Variants in SRFBP1 observed in about 807,000 individuals in gnomAD.
SRFBP1 encodes serum response factor-binding protein 1.
Under a neutral mutation model 45.5 loss-of-function variants are expected in SRFBP1, and 47 were observed. That is an observed-to-expected ratio of 1.03 (90% CI 0.82 to 1.32). The LOEUF (loss-of-function observed/expected upper bound fraction) is 1.32. Ranked by LOEUF, SRFBP1 falls within the 40% of genes most tolerant of loss-of-function variation. SRFBP1 has a pLI of 0.00. For synonymous variants in SRFBP1, 203 were observed against 166.3 expected (o/e 1.22, Z -1.70); for missense variants, 621 against 484.6 (o/e 1.28, Z -2.64).
intron 7 of SRFBP1, among the ~76,000 whole-genome samples, chr5:122,022,648 T>A (rs2112711095): frequency 6.6e-6 from 1 of 152,322 alleles, no homozygotes; most frequent in African/African-American, 2.4e-5. Flanking sequence ...CTATTTAACT[T>A]ATCTCAAATT....
chr5:121,988,560 G>T (rs944427798), intron 3 of SRFBP1, among the ~76,000 whole-genome samples: 1 of 152,226 alleles, frequency 6.6e-6, no homozygotes, highest in Non-Finnish European at 1.5e-5. Flanking sequence ...TCAAAGTGTT[G>T]TCAACCAGGA....
intron 2 of SRFBP1, among the ~76,000 whole-genome samples, chr5:122,037,197 C>T (rs1420856170): frequency 6.6e-6 from 1 of 152,190 alleles, no homozygotes; most frequent in African/African-American, 2.4e-5. Flanking sequence ...TGTGCCCAGC[C>T]TCCTGTGAGT....
At chr5:122,061,457 CAA>C (rs1754168033) in intron 2 of SRFBP1, among the ~76,000 whole-genome samples, 1 of 150,474 alleles carries the variant, frequency 6.6e-6, no homozygotes, top group South Asian at 2.2e-4. Context: ...AAGAAACAAA[CAA>C]ATTATTTGTA....
At chr5:122,033,955 C>T (rs990339406) in intron 2 of SRFBP1, among the ~76,000 whole-genome samples, 6 of 150,968 alleles carry the variant, frequency 4.0e-5, no homozygotes, top group Admixed American at 6.6e-5. Context: ...TCCTGGGTAG[C>T]TGGGATTACA....
intron 3 of SRFBP1, among the ~76,000 whole-genome samples, chr5:121,981,700 G>A (rs1752410244): frequency 6.6e-6 from 1 of 151,256 alleles, no homozygotes; most frequent in African/African-American, 2.4e-5. Flanking sequence ...TAATTCTTAT[G>A]TTACTTGCTC....
intron 2 of SRFBP1, among the ~76,000 whole-genome samples, chr5:122,048,818 C>G (rs939042093): frequency 4.6e-5 from 7 of 152,118 alleles, no homozygotes; most frequent in African/African-American, 1.2e-4. Flanking sequence ...TCTAGATTTT[C>G]TAGTTTATTT....
intron 3 of SRFBP1, among the ~76,000 whole-genome samples, chr5:121,980,614 ATGT>A (rs1233545315): frequency 6.6e-6 from 1 of 152,110 alleles, no homozygotes; most frequent in Non-Finnish European, 1.5e-5. Flanking sequence ...GAGAAGAAAA[ATGT>A]TGTTTCCTTT....
chr5:121,994,139 T>C lies in SRFBP1; in HGVS notation c.199-460T>C, dbSNP rs535313653. The stretch of plus-strand genomic sequence containing the variant: ...GCTAATAAATAGTATTTCTATTTCC[T>C]TTATTTCATGAAGTTTCTGCTTTAT... On this transcript the variant is annotated intron_variant, in intron 3 of 7. Transcript: ENST00000339397. Among the ~76,000 whole-genome samples the C allele has an allele frequency of 3.9e-5, 6 of 152,208 alleles. No individual in the cohort carries two copies. In the East Asian group the frequency reaches 1.2e-3, roughly 29 times the overall value.
At chr5:121,965,190 T>C (rs1007440679) in intron 1 of SRFBP1, among the ~76,000 whole-genome samples, 1 of 152,226 alleles carries the variant, frequency 6.6e-6, no homozygotes, top group African/African-American at 2.4e-5. Context: ...GCTCTTTAGT[T>C]TAATTAGATC....
chr5:121,994,915 A>T (rs1752690670), intron 4 of SRFBP1, among the ~76,000 whole-genome samples: 1 of 152,090 alleles, frequency 6.6e-6, no homozygotes, highest in Non-Finnish European at 1.5e-5. Context: ...TTCATGTATT[A>T]TATAAAAATT....
intron 4 of SRFBP1, among the ~76,000 whole-genome samples, chr5:121,999,549 A>C (rs560092842): frequency 4.6e-5 from 7 of 152,160 alleles, no homozygotes; most frequent in African/African-American, 1.4e-4. Context: ...TGGAACCTCC[A>C]TCTATGAATG....
chr5:121,994,814 C>A, intron 4 of SRFBP1, 144 bp downstream of exon 4: 1 of 538,490 alleles, frequency 1.9e-6, no homozygotes, highest in Non-Finnish European at 3.2e-6. Context: ...ACTGCCACCA[C>A]AAAAAAAATT....
At chr5:121,974,314 C>G (rs764210781) in intron 2 of SRFBP1, 30 bp downstream of exon 2, 1 of 1,492,264 alleles carries the variant, frequency 6.7e-7, no homozygotes, top group East Asian at 2.3e-5. Flanking sequence ...GATCTTGTGA[C>G]TAATAAAATG....
chr5:122,046,543 A>G (rs945917325), intron 2 of SRFBP1, among the ~76,000 whole-genome samples: 5 of 152,108 alleles, frequency 3.3e-5, no homozygotes, highest in African/African-American at 7.2e-5. Context: ...ATGATTTATA[A>G]TCCTTTGGGT....
At chr5:121,966,857 G>A (rs1013824464) in intron 1 of SRFBP1, among the ~76,000 whole-genome samples, 1 of 150,324 alleles carries the variant, frequency 6.7e-6, no homozygotes, top group Non-Finnish European at 1.5e-5. Flanking sequence ...TTGGCTCACT[G>A]AAAGCTCCAC....
At chr5:122,043,529 TG>T (rs1753804353) in intron 2 of SRFBP1, among the ~76,000 whole-genome samples, 1 of 152,254 alleles carries the variant, frequency 6.6e-6, no homozygotes, top group Non-Finnish European at 1.5e-5. Context: ...CGCTGTTTTC[TG>T]ACTTTCTTTT....
At chr5:122,004,022 C>T (rs926912913) in intron 4 of SRFBP1, among the ~76,000 whole-genome samples, 1 of 152,088 alleles carries the variant, frequency 6.6e-6, no homozygotes, top group African/African-American at 2.4e-5. Flanking sequence ...GCCACCTCTA[C>T]CTCCCGAGTT....
intron 4 of SRFBP1, among the ~76,000 whole-genome samples, chr5:121,995,811 T>C (rs1331368817): frequency 6.6e-6 from 1 of 150,580 alleles, no homozygotes; most frequent in Non-Finnish European, 1.5e-5. Flanking sequence ...ATAGACACAA[T>C]AAAAAATGAT....
At chr5:122,002,170 C>A (rs895254165) in intron 4 of SRFBP1, among the ~76,000 whole-genome samples, 1 of 152,048 alleles carries the variant, frequency 6.6e-6, no homozygotes, top group African/African-American at 2.4e-5. Context: ...GAATTACATC[C>A]CCATTGTATA....
Sources: gnomAD v4.1 joint callset for allele counts (sites outside exome capture counted in the v4.1 genomes callset) on GRCh38, gnomAD v4.1.1 for gene constraint, MANE v1.5 for transcripts, NCBI Gene and HGNC (gene_info 2026-07-23, HGNC 2026-07-21) for gene names.